MS4A5: variants seen among roughly 807,000 people sequenced by gnomAD.
The protein encoded by MS4A5 is membrane-spanning 4-domains subfamily A member 5.
Under a neutral mutation model 18.2 loss-of-function variants are expected in MS4A5, and 15 were observed. The observed-to-expected ratio is 0.83, with a 90% CI of 0.55 to 1.27. MS4A5 has a LOEUF of 1.27. Among genes scored for constraint, MS4A5 ranks in the 50% most tolerant of loss-of-function variants. MS4A5 has a pLI of 0.00. For synonymous variants in MS4A5, 89 were observed against 78.7 expected (o/e 1.13, Z -0.69); for missense variants, 232 against 225.7 (o/e 1.03, Z -0.18).
At chr11:60,438,747 AC>A (rs1470262017) in intron 4 of MS4A5, among the ~76,000 whole-genome samples, 1 of 150,562 alleles carries the variant, frequency 6.6e-6, no homozygotes, top group Non-Finnish European at 1.5e-5. Context: ...CTCTGAATAG[AC>A]CAATAACAGG....
chr11:60,442,102 A>G (rs1047588247), intron 4 of MS4A5, among the ~76,000 whole-genome samples: 1 of 152,234 alleles, frequency 6.6e-6, no homozygotes, highest in African/African-American at 2.4e-5. Flanking sequence ...TTTGAATACA[A>G]TTGATAAAAT....
chr11:60,447,151 T>C (rs2135182091), intron 4 of MS4A5, among the ~76,000 whole-genome samples: 1 of 87,736 alleles, frequency 1.1e-5, no homozygotes, highest in South Asian at 3.3e-4. Context: ...TATGCTATGC[T>C]ATCCTATGCT....
intron 4 of MS4A5, among the ~76,000 whole-genome samples, chr11:60,444,840 C>T (rs920431378): frequency 3.9e-5 from 6 of 152,180 alleles, no homozygotes; most frequent in Non-Finnish European, 7.3e-5. Flanking sequence ...ATGGTTCAAC[C>T]ACCTTGGAAA....
At chr11:60,436,703 G>A (rs1282523360) in intron 4 of MS4A5, among the ~76,000 whole-genome samples, 11 of 134,298 alleles carry the variant, frequency 8.2e-5, no homozygotes, top group East Asian at 2.1e-4. Flanking sequence ...GAAATGAAGC[G>A]AGAAGGGAAG....
chr11:60,434,966 C>T (rs1247188810), intron 4 of MS4A5, among the ~76,000 whole-genome samples: 2 of 152,192 alleles, frequency 1.3e-5, no homozygotes, highest in Non-Finnish European at 2.9e-5. Flanking sequence ...AGATATACAA[C>T]GTACCCTGCC....
At chr11:60,435,154 T>C (rs1243752715) in intron 4 of MS4A5, among the ~76,000 whole-genome samples, 2 of 152,204 alleles carry the variant, frequency 1.3e-5, no homozygotes, top group East Asian at 3.8e-4. Context: ...TGGTATGTGG[T>C]GCCCCTGGTA....
At chr11:60,438,541 A>G (rs1270790939) in intron 4 of MS4A5, among the ~76,000 whole-genome samples, 2 of 152,148 alleles carry the variant, frequency 1.3e-5, no homozygotes, top group East Asian at 3.8e-4. Flanking sequence ...ACTAATAAAG[A>G]AAAAAAGAGA....
At position 60,441,219 on chromosome 11, in the gene MS4A5, T is replaced by C. The variant is rs1428000753; in HGVS notation, c.493-6430T>C. On this transcript the variant is annotated intron_variant, in intron 4 of 4. Coordinates refer to ENST00000300190, the MANE Select transcript of MS4A5 (RefSeq NM_023945.3). ...GCATATTCTCACTCATAGGTGGGAA[T>C]TGAACAATGAGATCACATGGACACA... 5.8e-5 allele frequency among the ~76,000 whole-genome samples: 8 copies of C among 137,084 alleles called. 1 individual carries two copies. The South Asian group carries it at 2.0e-3, about 34-fold the overall frequency. The allele number at this position is 137,084 out of a possible 152,430, so 89.9% of individuals were successfully genotyped here. A position where few individuals can be genotyped will look rare whatever the true frequency, so the allele number is the denominator to read the frequency against.
At chr11:60,430,951 T>G (rs1590830005) in intron 2 of MS4A5, 27 bp downstream of exon 2, 1 of 1,596,708 alleles carries the variant, frequency 6.3e-7, no homozygotes. Flanking sequence ...AAGTTCAATT[T>G]GAAGCCATGC....
chr11:60,444,978 A>T (rs2086131672), intron 4 of MS4A5, among the ~76,000 whole-genome samples: 1 of 152,286 alleles, frequency 6.6e-6, no homozygotes, highest in African/African-American at 2.4e-5. Context: ...TCTATCAACA[A>T]CAAAATGGCT....
At chr11:60,438,345 A>G (rs1354822521) in intron 4 of MS4A5, among the ~76,000 whole-genome samples, 1 of 152,206 alleles carries the variant, frequency 6.6e-6, no homozygotes, top group Non-Finnish European at 1.5e-5. Flanking sequence ...TTGACACCCT[A>G]ACATCACAAT....
chr11:60,434,302 C>A (rs1031930961), intron 4 of MS4A5, among the ~76,000 whole-genome samples: 66 of 152,050 alleles, frequency 4.3e-4, no homozygotes, highest in Non-Finnish European at 1.5e-5. Context: ...TCCGATAAAG[C>A]ATGATAAGAT....
chr11:60,429,875 G>T, intron 1 of MS4A5, 48 bp downstream of exon 1: 1 of 1,556,840 alleles, frequency 6.4e-7, no homozygotes. Flanking sequence ...CAGGGGAAAG[G>T]CTAGGGAAAT....
In MS4A5 at chr11:60,429,639, T is replaced by C; in HGVS notation, c.-36T>C. 6.3e-7 allele frequency: 1 copy of C among 1,588,882 alleles called. No homozygotes were observed. Among genetic ancestry groups the C allele is most frequent in the Non-Finnish European group, 8.5e-7 (1 of 1,170,316 alleles). ...ACATGGTCTAGACTGAAGTACCAAC[T>C]AAATCATCTCCTTTCAAATTATCAC... is the stretch of plus-strand genomic sequence containing the variant. On this transcript the variant is annotated 5_prime_UTR_variant, in exon 1 of 5. Coordinates refer to ENST00000300190, the MANE Select transcript of MS4A5 (RefSeq NM_023945.3).
chr11:60,439,830 C>T (rs199857351), intron 4 of MS4A5, among the ~76,000 whole-genome samples: 1,018 of 34,262 alleles, frequency 0.03, 2 homozygotes, highest in Admixed American at 0.07. Context: ...GAATCAATAT[C>T]GTGAAAATGG....
chr11:60,443,346 A>C (rs2086123590), intron 4 of MS4A5, among the ~76,000 whole-genome samples: 1 of 152,154 alleles, frequency 6.6e-6, no homozygotes. Context: ...AAGGCAAAAA[A>C]AAAATCCCCA....
At chr11:60,433,189 C>T (rs1007929273) in intron 3 of MS4A5, among the ~76,000 whole-genome samples, 21 of 152,182 alleles carry the variant, frequency 1.4e-4, no homozygotes, top group African/African-American at 4.8e-4. Context: ...ATACGAAAGG[C>T]AAACTGTAGA....
chr11:60,435,972 G>C (rs1354986512), intron 4 of MS4A5, among the ~76,000 whole-genome samples: 1 of 152,152 alleles, frequency 6.6e-6, no homozygotes, highest in African/African-American at 2.4e-5. Context: ...CTCCACCTCT[G>C]GGGGCAGGGC....
At position 60,433,807 on chromosome 11, in the gene MS4A5, G is replaced by C; in HGVS notation, c.382G>C (p.Ala128Pro). The change falls in exon 4 of 5, where the codon GCA (alanine) becomes CCA (proline). Residue 128 changes from alanine (A) to proline (P), a missense_variant. Transcript: ENST00000300190. The part of the protein sequence containing the change: ...RIMNFLSALG[A>P]IAGIILLTFG... Reference sequence around the variant, plus strand: ...AATGAATTTTCTTAGTGCCCTGGGAGCAATAGCTGGAATCATTCTCCTCAC... The same window carrying C: ...AATGAATTTTCTTAGTGCCCTGGGACCAATAGCTGGAATCATTCTCCTCAC... The C allele has an allele frequency of 6.2e-7, 1 of 1,613,930 alleles. No individual in the cohort carries two copies. The highest frequency in any genetic ancestry group is 8.5e-7 in the Non-Finnish European group (1 of 1,179,814).
Sources: allele counts gnomAD v4.1 joint callset (sites outside exome capture counted in the v4.1 genomes callset), GRCh38; gene constraint gnomAD v4.1.1; transcripts MANE v1.5; gene names NCBI Gene and HGNC (gene_info 2026-07-23, HGNC 2026-07-21).